CCDC178: variants seen among roughly 807,000 people sequenced by gnomAD.
CCDC178 encodes the protein coiled-coil domain containing 178.
CCDC178 carries 126 observed loss-of-function variants against 117.4 expected under a neutral mutation model. That is an observed-to-expected ratio of 1.07 (90% CI 0.93 to 1.24). The LOEUF (loss-of-function observed/expected upper bound fraction) is 1.24, where lower values mean the gene tolerates loss of function less well. Among genes scored for constraint, CCDC178 ranks in the 50% most tolerant of loss-of-function variants. CCDC178 has a pLI of 0.00. For missense variants in CCDC178, 1,030 were observed against 986.9 expected, an observed-to-expected ratio of 1.04 and a Z score of -0.59; for synonymous variants, 283 against 313.4, an observed-to-expected ratio of 0.90 and a Z score of 1.02.
intron 2 of CCDC178, among the ~76,000 whole-genome samples, chr18:33,429,842 T>A (rs1204484418): frequency 1.3e-5 from 2 of 152,176 alleles, no homozygotes; most frequent in African/African-American, 2.4e-5. Flanking sequence ...TTAACAAAAG[T>A]AAGCTTAAAC....
intron 14 of CCDC178, among the ~76,000 whole-genome samples, chr18:33,259,084 G>A: frequency 6.6e-6 from 1 of 150,662 alleles, no homozygotes; most frequent in Middle Eastern, 3.2e-3. Flanking sequence ...GTGTGGGTTT[G>A]TAACTGTAAA....
At chr18:33,020,132 G>A (rs919251519) in intron 21 of CCDC178, among the ~76,000 whole-genome samples, 1 of 91,824 alleles carries the variant, frequency 1.1e-5, no homozygotes, top group African/African-American at 4.6e-5. Context: ...TTTTTTTTTT[G>A]TATTTTTAGT....
Position 32,948,426 on chromosome 18 carries a change from T to A in CCDC178, c.2524-10335A>T, listed in dbSNP as rs72941562. 3.6e-3 allele frequency among the ~76,000 whole-genome samples: 543 copies of A among 152,204 alleles called. 1 individual carries two copies. Among genetic ancestry groups the A allele is most frequent in the Non-Finnish European group, 6.1e-3 (415 of 67,932 alleles). On this transcript the variant is annotated intron_variant, in intron 22 of 22. Transcript: ENST00000383096. Reference sequence around the variant, plus strand: ...GCACAGAAGTATAAATTACTTCACATTTTTGATGCTATTGTATAGGCATTG... The same window carrying A: ...GCACAGAAGTATAAATTACTTCACAATTTTGATGCTATTGTATAGGCATTG...
At chr18:33,047,420 T>C (rs2056664493) in intron 21 of CCDC178, among the ~76,000 whole-genome samples, 1 of 152,230 alleles carries the variant, frequency 6.6e-6, no homozygotes, top group African/African-American at 2.4e-5. Context: ...TGCATTTCAC[T>C]GGCTATGTTT....
At chr18:33,019,985 G>C (rs529063141) in intron 21 of CCDC178, among the ~76,000 whole-genome samples, 53 of 148,794 alleles carry the variant, frequency 3.6e-4, no homozygotes, top group African/African-American at 1.3e-3. Context: ...TTACTCTCTC[G>C]CCCAGGCTTG....
chr18:33,174,955 A>G (rs1480697329), intron 20 of CCDC178, among the ~76,000 whole-genome samples: 1 of 152,146 alleles, frequency 6.6e-6, no homozygotes, highest in Middle Eastern at 3.4e-3. Flanking sequence ...CCCAGGTTCA[A>G]GTGATTCTCC....
chr18:33,046,461 T>C (rs2056644999), intron 21 of CCDC178, among the ~76,000 whole-genome samples: 1 of 151,610 alleles, frequency 6.6e-6, no homozygotes, highest in Non-Finnish European at 1.5e-5. Flanking sequence ...TGTTTTAATA[T>C]AAAATAAGTA....
intron 20 of CCDC178, among the ~76,000 whole-genome samples, chr18:33,132,242 G>A (rs1250586813): frequency 2.0e-5 from 3 of 151,696 alleles, no homozygotes; most frequent in African/African-American, 4.8e-5. Context: ...ATGAAAAAAA[G>A]TTAAGGTGAA....
At chr18:33,254,099 G>C (rs2059648739) in intron 14 of CCDC178, among the ~76,000 whole-genome samples, 2 of 151,896 alleles carry the variant, frequency 1.3e-5, no homozygotes, top group South Asian at 4.2e-4. Flanking sequence ...TCTTGCTTTG[G>C]AACAGAAAGA....
At chr18:33,179,266 AATATAG>A (rs1362860780) in intron 20 of CCDC178, among the ~76,000 whole-genome samples, 1 of 150,240 alleles carries the variant, frequency 6.7e-6, no homozygotes, top group Non-Finnish European at 1.5e-5. Context: ...TTTTGTAAAA[AATATAG>A]ATGTAGAGAG....
At chr18:33,169,057 C>T (rs1047309581) in intron 20 of CCDC178, among the ~76,000 whole-genome samples, 4 of 152,006 alleles carry the variant, frequency 2.6e-5, no homozygotes, top group Admixed American at 2.6e-4. Flanking sequence ...TTGCCCAATA[C>T]GTTGAAGCAT....
intron 22 of CCDC178, among the ~76,000 whole-genome samples, chr18:32,953,042 G>C (rs1018010056): frequency 3.2e-4 from 49 of 152,114 alleles, no homozygotes; most frequent in African/African-American, 1.2e-3. Flanking sequence ...AAAGTGCTGG[G>C]ATTACAGGTG....
At chr18:33,215,716 GTGTT>G in intron 18 of CCDC178, 21 bp from the exon 19 acceptor site, 3 of 1,460,764 alleles carry the variant, frequency 2.1e-6, no homozygotes, top group Non-Finnish European at 1.8e-6. Flanking sequence ...ATATACACAA[GTGTT>G]TATTTTAAAT....
intron 21 of CCDC178, among the ~76,000 whole-genome samples, chr18:33,074,307 C>A (rs560048895): frequency 2.6e-5 from 4 of 151,974 alleles, no homozygotes; most frequent in Non-Finnish European, 5.9e-5. Flanking sequence ...GAAAACATTA[C>A]GTCATTCTCA....
At chr18:33,226,310 C>G (rs1049640559) in intron 16 of CCDC178, among the ~76,000 whole-genome samples, 1 of 151,990 alleles carries the variant, frequency 6.6e-6, no homozygotes, top group Admixed American at 6.6e-5. Context: ...ATCAAAAAAC[C>G]CAATCTGGAT....
At chr18:33,359,778 G>A (rs981428223) in intron 6 of CCDC178, among the ~76,000 whole-genome samples, 4 of 151,416 alleles carry the variant, frequency 2.6e-5, no homozygotes, top group South Asian at 2.1e-4. Flanking sequence ...GGAGGAGGGA[G>A]AGCTAAAATT....
chr18:33,011,767 C>CAAAAAAAAAAAAA lies in CCDC178; in HGVS notation c.2389-37099_2389-37087dup, dbSNP rs71177899. 2.7e-4 allele frequency among the ~76,000 whole-genome samples: 8 copies of CAAAAAAAAAAAAA among 30,014 alleles called. 2 individuals are homozygous for CAAAAAAAAAAAAA. Among genetic ancestry groups the CAAAAAAAAAAAAA allele is most frequent in the Non-Finnish European group, 4.5e-4 (5 of 11,132 alleles). 19.7% of individuals were successfully genotyped at this position (30,014 alleles called of 152,430 possible). On this transcript the variant is annotated intron_variant, in intron 21 of 22. Coordinates refer to ENST00000383096, the MANE Select transcript of CCDC178 (RefSeq NM_001105528.4). ...ACGTGGCAAATGATTGAGCAGAATG[C>CAAAAAAAAAAAAA]AAAAAAAAAAAAAAAAAAAAAAAAA...
At chr18:33,051,101 C>T (rs1489393595) in intron 21 of CCDC178, among the ~76,000 whole-genome samples, 6 of 152,002 alleles carry the variant, frequency 3.9e-5, no homozygotes, top group Admixed American at 6.6e-5. Context: ...TTAGTACAGA[C>T]GGGGCTTTGC....
At chr18:33,140,993 G>A (rs2058196985) in intron 20 of CCDC178, among the ~76,000 whole-genome samples, 1 of 152,084 alleles carries the variant, frequency 6.6e-6, no homozygotes, top group African/African-American at 2.4e-5. Context: ...AGATCTGATG[G>A]TTTTTAATAT....
Sources: gnomAD v4.1 joint callset for allele counts (sites outside exome capture counted in the v4.1 genomes callset) on GRCh38, gnomAD v4.1.1 for gene constraint, MANE v1.5 for transcripts, NCBI Gene and HGNC (gene_info 2026-07-23, HGNC 2026-07-21) for gene names.